Variants in OSBP2 observed in about 807,000 individuals in gnomAD.
The protein encoded by OSBP2 is oxysterol-binding protein 2.
A neutral mutation model predicts 96.0 loss-of-function variants in OSBP2; 66 were observed. The ratio of observed to expected loss-of-function variants is 0.69; its 90% CI spans 0.56 to 0.84. The LOEUF (loss-of-function observed/expected upper bound fraction) is 0.84, where lower values mean the gene tolerates loss of function less well. OSBP2 is among the 40% of genes least tolerant of loss of function. The pLI is 0.00. For missense variants in OSBP2, 1,038 were observed against 1,222.7 expected, an observed-to-expected ratio of 0.85 and a Z score of 2.25; for synonymous variants, 525 against 520.9, an observed-to-expected ratio of 1.01 and a Z score of -0.11.
At chr22:30,750,451 A>G (rs1296070322) in intron 2 of OSBP2, among the ~76,000 whole-genome samples, 1 of 152,162 alleles carries the variant, frequency 6.6e-6, no homozygotes, top group Non-Finnish European at 1.5e-5. Flanking sequence ...CAAAAAATTA[A>G]AATTCAAAGG....
intron 2 of OSBP2, among the ~76,000 whole-genome samples, chr22:30,866,698 C>T (rs1021269307): frequency 7.2e-5 from 11 of 152,038 alleles, no homozygotes; most frequent in Non-Finnish European, 1.3e-4. Flanking sequence ...GATTGCGCCA[C>T]TGCACTCCAG....
chr22:30,821,934 G>A (rs1435193928), intron 2 of OSBP2, among the ~76,000 whole-genome samples: 1 of 152,228 alleles, frequency 6.6e-6, no homozygotes. Context: ...GTGGGCAGCT[G>A]GACAGTGGAG....
chr22:30,862,949 G>A (rs906993718), intron 2 of OSBP2, among the ~76,000 whole-genome samples: 17 of 147,152 alleles, frequency 1.2e-4, no homozygotes, highest in African/African-American at 4.3e-4. Context: ...CTCCAGCCCG[G>A]GTGACTCTGT....
Position 30,846,785 on chromosome 22 carries a change from C to G in OSBP2, c.854-23644C>G, listed in dbSNP as rs1268591438. On this transcript the variant is annotated intron_variant, in intron 2 of 13. Transcript: ENST00000332585. Reference sequence around the variant, plus strand: ...TTCATCATTGAACCAACATTCATTTCTGGAAGAAACCTCACTTAATATGTG... The same window carrying G: ...TTCATCATTGAACCAACATTCATTTGTGGAAGAAACCTCACTTAATATGTG... Among the ~76,000 whole-genome samples, 3 of 152,070 alleles carry G rather than the reference C, an allele frequency of 2.0e-5. No individual in the cohort carries two copies. The East Asian group carries it at 5.8e-4, about 29-fold the overall frequency.
chr22:30,796,549 A>G (rs2145834206), intron 2 of OSBP2, among the ~76,000 whole-genome samples: 1 of 152,170 alleles, frequency 6.6e-6, no homozygotes, highest in Non-Finnish European at 1.5e-5. Flanking sequence ...TCTGTCGCCC[A>G]GGCTGGAGTG....
chr22:30,694,622 C>T (rs1482693782), upstream of OSBP2, among the ~76,000 whole-genome samples: 2 of 104 alleles, frequency 0.019, no homozygotes, highest in Admixed American at 0.071. Context: ...TGAAGCGCGC[C>T]ATCCCCTTCG....
intron 3 of OSBP2, among the ~76,000 whole-genome samples, chr22:30,883,567 G>A (rs2039745314): frequency 1.3e-5 from 2 of 152,354 alleles, no homozygotes; most frequent in South Asian, 4.1e-4. Context: ...GGCAATGTGG[G>A]GAGGAGGGCC....
In OSBP2 at chr22:30,822,663, C is replaced by T. The variant is rs902394875; in HGVS notation, c.854-47766C>T. On this transcript the variant is annotated intron_variant, in intron 2 of 13. Coordinates refer to ENST00000332585, the MANE Select transcript of OSBP2 (RefSeq NM_030758.4). ...GACGCGGCTGCTGGGACACGGCCTCCGTGCGCTCCTTCTGCAGCTCCGGCT... is the reference window on the plus strand; with the variant it reads ...GACGCGGCTGCTGGGACACGGCCTCTGTGCGCTCCTTCTGCAGCTCCGGCT... 3.3e-6 allele frequency: 5 copies of T among 1,533,990 alleles called. No individual in the cohort carries two copies. The South Asian group carries it at 3.6e-5, about 11-fold the overall frequency.
At chr22:30,703,477 T>G (rs373445877) in intron 1 of OSBP2, among the ~76,000 whole-genome samples, 1 of 149,550 alleles carries the variant, frequency 6.7e-6, no homozygotes, top group African/African-American at 2.5e-5. Flanking sequence ...CCCGGCCTTA[T>G]AGCTTTTTTT....
chr22:30,897,147 G>T (rs996963761), intron 12 of OSBP2, among the ~76,000 whole-genome samples: 4 of 152,136 alleles, frequency 2.6e-5, no homozygotes, highest in African/African-American at 9.7e-5. Flanking sequence ...ATAATAAAAG[G>T]TTGAGTTAAT....
Position 30,785,524 on chromosome 22 carries a change from G to T in OSBP2, c.853+44155G>T, listed in dbSNP as rs377254872. On this transcript the variant is annotated intron_variant, in intron 2 of 13. Transcript: ENST00000332585. ...GGAGGTTGCAGTGAGCCAAGATCGC[G>T]CCATTGCACTCCAGTGTGGGTGACA... 1.3e-4 allele frequency among the ~76,000 whole-genome samples: 19 copies of T among 148,008 alleles called. No homozygotes were observed. In the East Asian group the frequency reaches 3.8e-3, roughly 30 times the overall value.
At chr22:30,747,072 T>C (rs975913191) in intron 2 of OSBP2, among the ~76,000 whole-genome samples, 15 of 152,168 alleles carry the variant, frequency 9.9e-5, no homozygotes, top group African/African-American at 3.6e-4. Flanking sequence ...AAAAGCCACA[T>C]GTGGCCCTCT....
intron 2 of OSBP2, among the ~76,000 whole-genome samples, chr22:30,800,874 T>C (rs969309812): frequency 6.6e-6 from 1 of 152,088 alleles, no homozygotes; most frequent in African/African-American, 2.4e-5. Context: ...GGCATGTCAG[T>C]GGAAATTCTA....
chr22:30,703,990 C>T (rs1569089016), intron 1 of OSBP2, among the ~76,000 whole-genome samples: 1 of 152,134 alleles, frequency 6.6e-6, no homozygotes, highest in Non-Finnish European at 1.5e-5. Context: ...CATCCTGTTA[C>T]ATGGGGAAAA....
rs2040339069 is a variant in OSBP2 at position 30,906,421 on chromosome 22, T to C, written c.*82T>C. 1 of 1,425,300 alleles carries C rather than the reference T, an allele frequency of 7.0e-7. No individual in the cohort carries two copies. Among genetic ancestry groups the C allele is most frequent in the African/African-American group, 1.5e-5 (1 of 68,016 alleles). 88.3% of individuals were successfully genotyped at this position (1,425,300 alleles called of 1,614,324 possible). On this transcript the variant is annotated 3_prime_UTR_variant, in exon 14 of 14. Coordinates refer to ENST00000332585, the MANE Select transcript of OSBP2 (RefSeq NM_030758.4). Reference sequence around the variant, plus strand: ...ATGCACTCAATTTAGTACTGAATGGTCTTTCTCCCAGCCCATTCCCAGCCC... The same window carrying C: ...ATGCACTCAATTTAGTACTGAATGGCCTTTCTCCCAGCCCATTCCCAGCCC...
intron 1 of OSBP2, among the ~76,000 whole-genome samples, chr22:30,717,224 T>C (rs1379869808): frequency 6.6e-6 from 1 of 151,958 alleles, no homozygotes. Context: ...TAGCTGGGAT[T>C]ATAGGCAAGA....
At chr22:30,840,151 T>G (rs1262251356) in intron 2 of OSBP2, among the ~76,000 whole-genome samples, 3 of 150,586 alleles carry the variant, frequency 2.0e-5, no homozygotes, top group Admixed American at 2.0e-4. Flanking sequence ...ATGGCACATG[T>G]ATACATATGT....
intron 2 of OSBP2, among the ~76,000 whole-genome samples, chr22:30,797,167 A>G (rs1047690318): frequency 6.6e-6 from 1 of 152,266 alleles, no homozygotes; most frequent in African/African-American, 2.4e-5. Flanking sequence ...GCTGTAGCAT[A>G]TGATAGAATT....
At chr22:30,708,784 C>T (rs879512857) in intron 1 of OSBP2, among the ~76,000 whole-genome samples, 3 of 151,162 alleles carry the variant, frequency 2.0e-5, no homozygotes, top group East Asian at 2.0e-4. Context: ...CCACCGTGCC[C>T]GGCCAAGGAT....
Sources: gnomAD v4.1 joint callset for allele counts (sites outside exome capture counted in the v4.1 genomes callset) on GRCh38, gnomAD v4.1.1 for gene constraint, MANE v1.5 for transcripts, NCBI Gene and HGNC (gene_info 2026-07-23, HGNC 2026-07-21) for gene names.